The following MPDZ variants were observed in gnomAD, a reference collection of about 807,000 sequenced individuals.
MPDZ encodes the protein multiple PDZ domain crumbs cell polarity complex component.
In MPDZ, 234 loss-of-function variants were observed where a neutral mutation model predicts 239.1. The observed-to-expected ratio is 0.98, with a 90% CI of 0.88 to 1.09. The LOEUF (loss-of-function observed/expected upper bound fraction) is 1.09. Ranked by LOEUF, MPDZ falls within the 50% of genes least tolerant of loss-of-function variation. The pLI is 0.00. For synonymous variants in MPDZ, 1,048 were observed against 881.3 expected (o/e 1.19, Z -3.35); for missense variants, 3,175 against 2,510.0 (o/e 1.26, Z -5.66).
chr9:13,221,781 CT>C (rs1959134135), intron 6 of MPDZ, among the ~76,000 whole-genome samples: 1 of 151,098 alleles, frequency 6.6e-6, no homozygotes, highest in Non-Finnish European at 1.5e-5. Context: ...TGTAGAACTT[CT>C]TTAAAAAAAA....
At chr9:13,225,410 T>C (rs896229949) in intron 3 of MPDZ, among the ~76,000 whole-genome samples, 3 of 151,580 alleles carry the variant, frequency 2.0e-5, no homozygotes, top group African/African-American at 7.3e-5. Context: ...AACCATTATA[T>C]TGGCTATCTA....
Position 13,123,227 on chromosome 9 carries a change from C to T in MPDZ, c.4879G>A (p.Glu1627Lys), listed in dbSNP as rs772598863. The change falls in exon 36 of 47, where the codon GAA becomes AAA. Residue 1627 changes from glutamate to lysine, a missense_variant. Coordinates refer to ENST00000319217, the MANE Select transcript of MPDZ (RefSeq NM_001378778.1). Reference sequence around the variant, plus strand: ...CCTTTGGAAATCTCGATGGTTGTTTCGCAGCCAGGGATAATGGGGCAGGTT... The same window carrying T: ...CCTTTGGAAATCTCGATGGTTGTTTTGCAGCCAGGGATAATGGGGCAGGTT... ...PATCPIIPGCETTIEISKGRT... is the reference protein window; with the variant it reads ...PATCPIIPGCKTTIEISKGRT... The T allele has an allele frequency of 2.7e-5, 43 of 1,613,374 alleles. No homozygotes were observed. The highest frequency in any genetic ancestry group is 4.5e-5 in the East Asian group (2 of 44,846).
At chr9:13,124,444 C>G (rs1258535760) in intron 35 of MPDZ, among the ~76,000 whole-genome samples, 2 of 152,114 alleles carry the variant, frequency 1.3e-5, no homozygotes, top group Non-Finnish European at 2.9e-5. Flanking sequence ...AAAGAAATTT[C>G]TCCCCTCCAC....
intron 3 of MPDZ, among the ~76,000 whole-genome samples, chr9:13,242,127 G>A (rs1236951086): frequency 6.9e-6 from 1 of 145,688 alleles, no homozygotes; most frequent in South Asian, 2.2e-4. Context: ...TTATTTTAAA[G>A]AACAATTACT....
At chr9:13,162,136 C>G (rs185469984) in intron 23 of MPDZ, among the ~76,000 whole-genome samples, 1 of 152,044 alleles carries the variant, frequency 6.6e-6, no homozygotes, top group African/African-American at 2.4e-5. Flanking sequence ...TGGTGGCACA[C>G]ACCTATAATC....
intron 27 of MPDZ, among the ~76,000 whole-genome samples, chr9:13,141,838 T>C (rs899783282): frequency 6.6e-6 from 1 of 152,196 alleles, no homozygotes; most frequent in Non-Finnish European, 1.5e-5. Flanking sequence ...CAGAATCTGC[T>C]ATATTGAAAT....
At chr9:13,200,994 G>A (rs1450024566) in intron 12 of MPDZ, among the ~76,000 whole-genome samples, 1 of 151,960 alleles carries the variant, frequency 6.6e-6, no homozygotes, top group African/African-American at 2.4e-5. Flanking sequence ...TCTGTCTACT[G>A]CTGAAAGTAG....
intron 32 of MPDZ, among the ~76,000 whole-genome samples, chr9:13,129,586 C>T (rs748433306): frequency 1.3e-5 from 2 of 151,984 alleles, no homozygotes; most frequent in African/African-American, 2.4e-5. Flanking sequence ...CTCAACTTTC[C>T]AACTTACTTT....
rs904048669 is a variant in MPDZ at position 13,122,416 on chromosome 9, A to G, written c.4954-246T>C. ...AAAGAAAAAAACTATAAAATAAAAC[A>G]TGCATACATAGATGAGAGATAACTT... On this transcript the variant is annotated intron_variant, in intron 36 of 46. Transcript: ENST00000319217. Among the ~76,000 whole-genome samples the G allele has an allele frequency of 3.3e-5, 5 of 152,188 alleles. 1 individual carries two copies. The highest frequency in any genetic ancestry group is 1.2e-4 in the African/African-American group (5 of 41,454).
intron 34 of MPDZ, 79 bp from the exon 35 acceptor site, chr9:13,125,469 T>C (rs1944976439): frequency 1.5e-6 from 2 of 1,294,308 alleles, no homozygotes; most frequent in South Asian, 2.7e-5. Context: ...CCATTATCAA[T>C]GGAATCTAAT....
intron 1 of MPDZ, among the ~76,000 whole-genome samples, chr9:13,252,058 A>G (rs1968184774): frequency 6.6e-6 from 1 of 152,196 alleles, no homozygotes; most frequent in Non-Finnish European, 1.5e-5. Context: ...ACTATGATAT[A>G]TTTATTCAGG....
chr9:13,239,288 A>C (rs937442581), intron 3 of MPDZ, among the ~76,000 whole-genome samples: 4 of 152,164 alleles, frequency 2.6e-5, no homozygotes, highest in Admixed American at 1.3e-4. Flanking sequence ...TAAAACAAAA[A>C]ATATGGAGTT....
intron 24 of MPDZ, among the ~76,000 whole-genome samples, chr9:13,156,995 T>C (rs1257778870): frequency 2.0e-5 from 3 of 152,102 alleles, no homozygotes; most frequent in African/African-American, 2.4e-5. Flanking sequence ...TCATGTTAGA[T>C]GGCTGGAAAT....
Position 13,221,470 on chromosome 9 carries a change from A to T in MPDZ, c.778T>A (p.Leu260Met), listed in dbSNP as rs1959085831. Reference protein sequence around the residue: ...VHWQHMETIELVNDGSGLGFG... With the variant: ...VHWQHMETIEMVNDGSGLGFG... ...CCCAAACCAGATCCATCATTCACCA[A>T]TTCAATCGTTTCCATGTGTTGCCAG... Residue 260 changes from leucine to methionine, a missense_variant, in exon 7 of 47, where the codon TTG (leucine) becomes ATG (methionine). Coordinates refer to ENST00000319217, the MANE Select transcript of MPDZ (RefSeq NM_001378778.1). 6.2e-7 allele frequency: 1 copy of T among 1,610,736 alleles called. No individual in the cohort carries two copies. Among genetic ancestry groups the T allele is most frequent in the Non-Finnish European group, 8.5e-7 (1 of 1,178,072 alleles).
At chr9:13,140,823 A>C (rs1947553174) in intron 27 of MPDZ, 1 of 152,136 alleles carries the variant, frequency 6.6e-6, no homozygotes, top group South Asian at 2.1e-4. Flanking sequence ...GACTAAATAT[A>C]AATAATTATT....
chr9:13,255,709 G>T (rs537572951), intron 1 of MPDZ, among the ~76,000 whole-genome samples: 10 of 152,250 alleles, frequency 6.6e-5, no homozygotes, highest in African/African-American at 2.4e-4. Flanking sequence ...TCAACAGCGG[G>T]CTTAAAACAT....
chr9:13,263,635 C>G (rs1971189662), intron 1 of MPDZ, among the ~76,000 whole-genome samples: 1 of 152,130 alleles, frequency 6.6e-6, no homozygotes, highest in Non-Finnish European at 1.5e-5. Flanking sequence ...TACTCTGCTT[C>G]TAATTTTACC....
intron 3 of MPDZ, among the ~76,000 whole-genome samples, chr9:13,236,813 A>T: frequency 6.6e-6 from 1 of 152,098 alleles, no homozygotes. Flanking sequence ...TTCTTTTTTA[A>T]AAACTTCGCT....
chr9:13,114,097 A>T lies in MPDZ; in HGVS notation c.5467-76T>A, dbSNP rs1942966180. On this transcript the variant is annotated intron_variant, in intron 40 of 46. Coordinates refer to ENST00000319217, the MANE Select transcript of MPDZ (RefSeq NM_001378778.1). ...CTAAATACCACTTATTTCAGAATTT[A>T]ATCTAGAGACAGATACCTGTTAAGC... 1.3e-5 allele frequency: 15 copies of T among 1,137,896 alleles called. No homozygotes were observed. The East Asian group carries it at 3.9e-4, about 29-fold the overall frequency. The allele number at this position is 1,137,896 out of a possible 1,614,324, so 70.5% of individuals were successfully genotyped here.
Sources: allele counts gnomAD v4.1 joint callset (sites outside exome capture counted in the v4.1 genomes callset), GRCh38; gene constraint gnomAD v4.1.1; transcripts MANE v1.5; gene names NCBI Gene and HGNC (gene_info 2026-07-23, HGNC 2026-07-21).